LTAP1: variants seen among roughly 807,000 people sequenced by gnomAD.
LTAP1 encodes the protein HCV NS5A-transactivated protein 4.
the LTAP1 span, among the ~76,000 whole-genome samples, chr1:154,211,344 T>TC: frequency 7.8e-6 from 1 of 128,168 alleles, no homozygotes; most frequent in South Asian, 2.8e-4. Flanking sequence ...TTTTTTTTTT[T>TC]TTTTTTTTTT....
chr1:154,215,692 G>GT, the LTAP1 span, among the ~76,000 whole-genome samples: 1 of 151,876 alleles, frequency 6.6e-6, no homozygotes, highest in Non-Finnish European at 1.5e-5. Flanking sequence ...ATTTTTTGTT[G>GT]TAACTTTTTA....
the LTAP1 span, among the ~76,000 whole-genome samples, chr1:154,211,384 T>C: frequency 8.0e-6 from 1 of 124,526 alleles, no homozygotes; most frequent in African/African-American, 3.2e-5. Context: ...GTCACCAGGC[T>C]GGAGTGCAGT....
chr1:154,208,835 C>G, the LTAP1 span, among the ~76,000 whole-genome samples: 240 of 152,346 alleles, frequency 1.6e-3, 1 homozygote, highest in Admixed American at 5.1e-3. Flanking sequence ...ACTGCAACCT[C>G]TGCCTCCTAG....
chr1:154,220,430 T>C, the LTAP1 span: 25 of 1,613,980 alleles, frequency 1.5e-5, no homozygotes, highest in East Asian at 6.7e-5. Context: ...TCGCGCAGAA[T>C]TGTTCGGGTT....
the LTAP1 span, among the ~76,000 whole-genome samples, chr1:154,215,427 G>A: frequency 6.6e-6 from 1 of 151,998 alleles, no homozygotes; most frequent in Non-Finnish European, 1.5e-5. Flanking sequence ...TTAGCCGGGC[G>A]TTGTGGCGGG....
chr1:154,207,449 T>A, the LTAP1 span: 1 of 1,613,742 alleles, frequency 6.2e-7, no homozygotes, highest in Non-Finnish European at 8.5e-7. Flanking sequence ...GTCCTTCAGC[T>A]CCGTCACAGA....
the LTAP1 span, among the ~76,000 whole-genome samples, chr1:154,214,906 G>A: frequency 2.7e-5 from 4 of 149,912 alleles, no homozygotes; most frequent in African/African-American, 7.4e-5. Context: ...GTGCAGTGGC[G>A]CAATCTCAGT....
the LTAP1 span, chr1:154,212,210 C>T: frequency 5.9e-6 from 7 of 1,196,548 alleles, no homozygotes; most frequent in South Asian, 8.6e-5. Flanking sequence ...CCTGACAACT[C>T]TTATGGTATC....
At chr1:154,214,844 AT>A in the LTAP1 span, among the ~76,000 whole-genome samples, 41,004 of 140,180 alleles carry the variant, frequency 0.29, 6,311 homozygotes, top group Admixed American at 0.44. Flanking sequence ...ATTATTTCCA[AT>A]TTTTTTTTTT....
chr1:154,218,891 G>A, the LTAP1 span, among the ~76,000 whole-genome samples: 1 of 152,174 alleles, frequency 6.6e-6, no homozygotes, highest in African/African-American at 2.4e-5. Context: ...AAGAGAGGGG[G>A]AACCTACTTT....
chr1:154,220,098 C>G, the LTAP1 span: 3 of 731,910 alleles, frequency 4.1e-6, no homozygotes, highest in Non-Finnish European at 6.7e-6. Context: ...GGGGGTGGAT[C>G]TAAGAAGCCA....
At chr1:154,219,818 T>C in the LTAP1 span, 200 of 1,544,126 alleles carry the variant, frequency 1.3e-4, no homozygotes, top group Admixed American at 7.3e-4. Flanking sequence ...ATGTTTAACT[T>C]GTGCCCTAAG....
At chr1:154,212,938 G>T in the LTAP1 span, among the ~76,000 whole-genome samples, 2 of 152,194 alleles carry the variant, frequency 1.3e-5, no homozygotes, top group African/African-American at 2.4e-5. Context: ...CTCCCAAAGC[G>T]TTGGGATTAC....
chr1:154,212,355 T>C, the LTAP1 span: 4 of 1,614,122 alleles, frequency 2.5e-6, no homozygotes, highest in Admixed American at 1.7e-5. Flanking sequence ...CCTGATAGCG[T>C]AGGTACTCAT....
At chr1:154,220,094 G>A in the LTAP1 span, 2 of 736,190 alleles carry the variant, frequency 2.7e-6, no homozygotes. Context: ...TGATGGGGGT[G>A]GATCTAAGAA....
chr1:154,217,301 T>C, the LTAP1 span, among the ~76,000 whole-genome samples: 6 of 152,242 alleles, frequency 3.9e-5, no homozygotes, highest in Admixed American at 3.9e-4. Flanking sequence ...ATAAATGCAT[T>C]CATTTTATGT....
At chr1:154,217,989 G>A in the LTAP1 span, among the ~76,000 whole-genome samples, 7 of 152,096 alleles carry the variant, frequency 4.6e-5, no homozygotes, top group Non-Finnish European at 1.0e-4. Context: ...GAGTGCATCA[G>A]TGCAATCATA....
the LTAP1 span, chr1:154,214,492 G>A: frequency 6.2e-7 from 1 of 1,613,820 alleles, no homozygotes; most frequent in Non-Finnish European, 8.5e-7. Flanking sequence ...TAGTAGTCTA[G>A]CATCATCATC....
the LTAP1 span, among the ~76,000 whole-genome samples, chr1:154,216,340 ATTT>A: frequency 0.56 from 83,477 of 149,120 alleles, 24,037 homozygotes; most frequent in East Asian, 0.95. Flanking sequence ...TAAAAAAAAA[ATTT>A]TTTTTTTTTG....
Sources: allele counts gnomAD v4.1 joint callset (sites outside exome capture counted in the v4.1 genomes callset), GRCh38; gene constraint gnomAD v4.1.1; transcripts MANE v1.5; gene names NCBI Gene and HGNC (gene_info 2026-07-23, HGNC 2026-07-21).